Variants in AHCTF1 observed in about 807,000 individuals in gnomAD.
AHCTF1 encodes AT-hook containing transcription factor 1.
Under a neutral mutation model 248.4 loss-of-function variants are expected in AHCTF1, and 24 were observed. The ratio of observed to expected loss-of-function variants is 0.10; its 90% CI spans 0.07 to 0.14. The LOEUF (loss-of-function observed/expected upper bound fraction) is 0.14. Among genes scored for constraint, AHCTF1 ranks in the 10% least tolerant of loss-of-function variants. The probability of loss-of-function intolerance (pLI) is 1.00; values close to 1 mark genes in which losing one functional copy is unlikely to be tolerated. For synonymous variants in AHCTF1, 786 were observed against 929.8 expected, an observed-to-expected ratio of 0.85 and a Z score of 2.81; for missense variants, 2,206 against 2,636.2, an observed-to-expected ratio of 0.84 and a Z score of 3.57.
intron 4 of AHCTF1, 134 bp from the exon 5 acceptor site, chr1:246,907,892 A>G (rs1384024448): frequency 9.3e-6 from 7 of 749,910 alleles, no homozygotes; most frequent in Non-Finnish European, 1.3e-5. Context: ...AAGATTAGTG[A>G]TAACAAAAAA....
At chr1:246,872,849 T>G (rs774038545) in intron 24 of AHCTF1, among the ~76,000 whole-genome samples, 13 of 152,126 alleles carry the variant, frequency 8.5e-5, no homozygotes, top group Admixed American at 3.3e-4. Context: ...AAATACAAAC[T>G]CTTAAAACAT....
rs1300898116 is a variant in AHCTF1 at position 246,849,780 on chromosome 1, C to G, written c.6226G>C (p.Glu2076Gln). The G allele has an allele frequency of 8.7e-6, 14 of 1,613,806 alleles. No individual in the cohort carries two copies. Among genetic ancestry groups the G allele is most frequent in the South Asian group, 1.1e-5 (1 of 91,080 alleles). The change falls in exon 33 of 36, where the codon GAA (glutamate) becomes CAA (glutamine). Residue 2076 changes from glutamate to glutamine, a missense_variant. Transcript: ENST00000648844. ...EERTDEMTHK[E>Q]TNEQEERLLA... The stretch of plus-strand genomic sequence containing the variant: ...AATCTTTCTTCCTGCTCATTTGTTT[C>G]TTTATGTGTCATTTCATCTGTGCGT...
intron 13 of AHCTF1, among the ~76,000 whole-genome samples, chr1:246,895,398 A>G (rs1572429494): frequency 6.6e-6 from 1 of 152,208 alleles, no homozygotes; most frequent in East Asian, 1.9e-4. Flanking sequence ...TGAACAGACA[A>G]TATGCGTTTG....
rs961319814 is a variant in AHCTF1, at chr1:246,853,144, G to A, written c.4510C>T (p.Pro1504Ser). ...TCAGAAATTGGAAGCTTTTCTTCTG[G>A]TAAGTCAACACTTTCTTTTAGTACA... is the stretch of plus-strand genomic sequence containing the variant. ...VGVLKESVDL[P>S]EEKLPISDSP... Residue 1504 changes from proline to serine, a missense_variant, in exon 32 of 36, where the codon CCA becomes TCA. This residue lies in a region of AHCTF1 where 955 missense variants were observed against 1,055.6 expected (regional missense o/e 0.90). Coordinates refer to ENST00000648844, the MANE Select transcript of AHCTF1 (RefSeq NM_001323342.2). 1 of 1,611,936 alleles carries A rather than the reference G, an allele frequency of 6.2e-7. No individual in the cohort carries two copies. Among genetic ancestry groups the A allele is most frequent in the South Asian group, 1.1e-5 (1 of 90,362 alleles).
At chr1:246,905,426 G>A in intron 6 of AHCTF1, 115 bp downstream of exon 6, 1 of 724,452 alleles carries the variant, frequency 1.4e-6, no homozygotes, top group South Asian at 1.7e-5. Context: ...GAATCCGGGA[G>A]GCGGAGGTTG....
intron 1 of AHCTF1, among the ~76,000 whole-genome samples, chr1:246,923,105 T>C (rs1452664927): frequency 1.8e-5 from 1 of 55,966 alleles, no homozygotes. Context: ...AATCAAATAA[T>C]ACCAAAAAAA....
intron 1 of AHCTF1, among the ~76,000 whole-genome samples, chr1:246,924,486 T>C (rs1180746690): frequency 1.3e-5 from 2 of 151,906 alleles, no homozygotes; most frequent in African/African-American, 2.4e-5. Context: ...CATATATATA[T>C]AAAATAAAAA....
At chr1:246,905,517 A>T (rs1572446423) in intron 6 of AHCTF1, 24 bp downstream of exon 6, 1 of 1,587,430 alleles carries the variant, frequency 6.3e-7, no homozygotes, top group East Asian at 2.2e-5. Flanking sequence ...AAACAAAACA[A>T]AACAAAGTTT....
rs1558229621 is a variant in AHCTF1 at position 246,867,898 on chromosome 1, C to CG, written c.3089-88_3089-87insC. On this transcript the variant is annotated intron_variant, in intron 24 of 35. Coordinates refer to ENST00000648844, the MANE Select transcript of AHCTF1 (RefSeq NM_001323342.2). ...ATATGAAAGAATGATTACACCCCCC[C>CG]CCCCACACACACACACACACACATT... 46 of 566,700 alleles carry CG rather than the reference C, an allele frequency of 8.1e-5. No homozygotes were observed. The African/African-American group carries it at 1.7e-3, about 21-fold the overall frequency. The allele number at this position is 566,700 out of a possible 1,614,324, so 35.1% of individuals were successfully genotyped here.
rs202106757 is a variant in AHCTF1 at position 246,867,730 on chromosome 1, T to C, written c.3170A>G (p.Asn1057Ser). 190 of 1,612,404 alleles carry C rather than the reference T, an allele frequency of 1.2e-4. No individual in the cohort carries two copies. Among genetic ancestry groups the C allele is most frequent in the Non-Finnish European group, 4.2e-5 (50 of 1,179,038 alleles). ...TVLTRSVFINNVLSKIGEVWA... is the reference protein window; with the variant it reads ...TVLTRSVFINSVLSKIGEVWA... Reference sequence around the variant, plus strand: ...AACTTCTCCAATTTTAGATAACACATTGTTGATGAAAACAGATCTTGTCAA... The same window carrying C: ...AACTTCTCCAATTTTAGATAACACACTGTTGATGAAAACAGATCTTGTCAA... The change falls in exon 25 of 36, where the codon AAT (asparagine) becomes AGT (serine). Residue 1057 changes from asparagine to serine, a missense_variant. Physicochemically the swap from Asn to Ser is conservative, Grantham distance 46. Transcript: ENST00000648844.
intron 1 of AHCTF1, among the ~76,000 whole-genome samples, chr1:246,920,148 AAAAAAAAAAAAAAAAAAAAAG>A (rs1386821547): frequency 2.7e-5 from 4 of 145,458 alleles, no homozygotes; most frequent in Non-Finnish European, 6.0e-5. Context: ...CCCGCAAAAA[AAAAAAAAAAAAAAAAAAAAAG>A]AAAAGAAGCT....
chr1:246,867,767 T>C lies in AHCTF1; in HGVS notation c.3133A>G (p.Thr1045Ala). Residue 1045 changes from threonine (T) to alanine (A), a missense_variant, in exon 25 of 36, where the codon ACA becomes GCA. Physicochemically the swap from Thr to Ala is moderately conservative, Grantham distance 58 (BLOSUM62 0). Transcript: ENST00000648844. ...ACAGATCTTGTCAACACAGTTCCTG[T>C]TACAACTTGCTTTGGAACTGCTGAT... is the stretch of plus-strand genomic sequence containing the variant. ...PLSAVPKQVV[T>A]GTVLTRSVFI... is the part of the protein sequence containing the mutation. 6.2e-7 allele frequency: 1 copy of C among 1,612,698 alleles called. No homozygotes were observed. Among genetic ancestry groups the C allele is most frequent in the Middle Eastern group, 1.7e-4 (1 of 6,016 alleles).
At chr1:246,910,157 G>A (rs572376811) in intron 4 of AHCTF1, among the ~76,000 whole-genome samples, 3 of 152,196 alleles carry the variant, frequency 2.0e-5, no homozygotes, top group South Asian at 2.1e-4. Context: ...GCAGAAAATC[G>A]AAAATGATAC....
rs1443202422 is a variant in AHCTF1 at position 246,839,495 on chromosome 1, A to G, written c.*1311T>C. The G allele has an allele frequency of 3.0e-6, 3 of 984,058 alleles. No individual in the cohort carries two copies. The highest frequency in any genetic ancestry group is 3.6e-6 in the Non-Finnish European group (3 of 828,414). The allele number at this position is 984,058 out of a possible 1,614,324, so 61.0% of individuals were successfully genotyped here. On this transcript the variant is annotated 3_prime_UTR_variant, in exon 36 of 36. Transcript: ENST00000648844. The stretch of plus-strand genomic sequence containing the variant: ...AAAGTAATAAAATCAAAGTCAGTGA[A>G]ATTTTCAACAAGGCAGCGTAACATC...
At chr1:246,889,516 C>CTAAT (rs1664067523) in intron 17 of AHCTF1, among the ~76,000 whole-genome samples, 1 of 152,178 alleles carries the variant, frequency 6.6e-6, no homozygotes, top group South Asian at 2.1e-4. Context: ...ATCTCCCAAG[C>CTAAT]TAATGTTCAC....
chr1:246,904,173 A>C (rs1290969812), intron 6 of AHCTF1, 140 bp from the exon 7 acceptor site: 5 of 624,608 alleles, frequency 8.0e-6, no homozygotes, highest in Non-Finnish European at 1.4e-5. Flanking sequence ...AGTTTTCGGT[A>C]ATTTTTATAA....
At chr1:246,874,557 A>G (rs1238116243) in intron 24 of AHCTF1, among the ~76,000 whole-genome samples, 1 of 152,128 alleles carries the variant, frequency 6.6e-6, no homozygotes, top group Non-Finnish European at 1.5e-5. Context: ...CGGCCACCCA[A>G]AAAAATATAA....
intron 2 of AHCTF1, among the ~76,000 whole-genome samples, chr1:246,916,890 C>T (rs1171266641): frequency 6.6e-6 from 1 of 152,138 alleles, no homozygotes; most frequent in African/African-American, 2.4e-5. Context: ...GAAGTTATGG[C>T]AGTTATAAAA....
Position 246,842,751 on chromosome 1 carries a change from G to T in AHCTF1, c.6551C>A (p.Thr2184Asn). The part of the protein sequence containing the change: ...ELKDDAQSVE[T>N]LGKPKAKRIR... The stretch of plus-strand genomic sequence containing the variant: ...TCGTTTCGCTTTTGGCTTTCCCAGA[G>T]TTTCTACTGATTGTGCATCATCTTT... The change falls in exon 35 of 36, where the codon ACT (threonine) becomes AAT (asparagine). Residue 2184 changes from threonine (T) to asparagine (N), a missense_variant. Physicochemically the swap from Thr to Asn is moderately conservative, Grantham distance 65. Coordinates refer to ENST00000648844, the MANE Select transcript of AHCTF1 (RefSeq NM_001323342.2). The T allele has an allele frequency of 6.2e-7, 1 of 1,613,668 alleles. No homozygotes were observed. The highest frequency in any genetic ancestry group is 8.5e-7 in the Non-Finnish European group (1 of 1,179,914).
Sources: allele counts gnomAD v4.1 joint callset (sites outside exome capture counted in the v4.1 genomes callset), GRCh38; gene constraint gnomAD v4.1.1; regional missense constraint gnomAD v4.1.1; transcripts MANE v1.5; gene names NCBI Gene and HGNC (gene_info 2026-07-23, HGNC 2026-07-21).